Variants in EYA2 observed in about 807,000 individuals in gnomAD.
The protein encoded by EYA2 is protein phosphatase EYA2.
EYA2 carries 31 observed loss-of-function variants against 69.2 expected under a neutral mutation model. The ratio of observed to expected loss-of-function variants is 0.45; its 90% CI spans 0.34 to 0.60. EYA2 has a LOEUF of 0.60. EYA2 is among the 20% of genes least tolerant of loss of function. The probability of loss-of-function intolerance (pLI) is 0.02; values close to 1 mark genes in which losing one functional copy is unlikely to be tolerated. For synonymous variants in EYA2, 257 were observed against 279.4 expected (o/e 0.92, Z 0.80); for missense variants, 622 against 701.2 (o/e 0.89, Z 1.28).
At chr20:47,057,837 C>A (rs1212041253) in intron 5 of EYA2, among the ~76,000 whole-genome samples, 4 of 152,206 alleles carry the variant, frequency 2.6e-5, no homozygotes, top group Admixed American at 2.6e-4. Context: ...TGCAACTTCC[C>A]ACAGGTGTGT....
chr20:47,177,087 C>A (rs762725812), intron 12 of EYA2, among the ~76,000 whole-genome samples: 3 of 151,978 alleles, frequency 2.0e-5, no homozygotes, highest in Non-Finnish European at 4.4e-5. Context: ...CATGAGCCAC[C>A]CTGCCTGGCC....
At chr20:47,081,679 T>C (rs2031724423) in intron 7 of EYA2, among the ~76,000 whole-genome samples, 1 of 150,030 alleles carries the variant, frequency 6.7e-6, no homozygotes, top group Non-Finnish European at 1.5e-5. Context: ...CTCAGGAGGC[T>C]GAGGCAGGAG....
intron 1 of EYA2, among the ~76,000 whole-genome samples, chr20:46,914,837 G>A (rs6018164): frequency 0.021 from 3,178 of 152,266 alleles, 128 homozygotes; most frequent in African/African-American, 0.072. Flanking sequence ...CAGCCCCATC[G>A]TCACACTCAG....
At chr20:46,916,208 G>A (rs908764407) in intron 1 of EYA2, among the ~76,000 whole-genome samples, 1 of 152,098 alleles carries the variant, frequency 6.6e-6, no homozygotes, top group Admixed American at 6.5e-5. Flanking sequence ...TTTTAAGGCA[G>A]CATTAAACTT....
intron 5 of EYA2, among the ~76,000 whole-genome samples, chr20:47,028,752 G>A (rs181210283): frequency 1.6e-4 from 24 of 152,326 alleles, no homozygotes; most frequent in African/African-American, 5.3e-4. Flanking sequence ...CTCCAAGCCT[G>A]TGCTCTTCAC....
chr20:47,056,032 G>A (rs2030594481), intron 5 of EYA2, among the ~76,000 whole-genome samples: 1 of 152,200 alleles, frequency 6.6e-6, no homozygotes, highest in African/African-American at 2.4e-5. Flanking sequence ...TGACAGGGCA[G>A]CCTATCTGAA....
chr20:47,102,772 G>A lies in EYA2; in HGVS notation c.888+5604G>A, dbSNP rs758653481. Among the ~76,000 whole-genome samples the A allele has an allele frequency of 3.2e-4, 49 of 152,280 alleles. No homozygotes were observed. In the South Asian group the frequency reaches 3.7e-3, roughly 12 times the overall value. The stretch of plus-strand genomic sequence containing the variant: ...ATCCCTTTGGTAGCTGTATCTCCCA[G>A]CATCTTGTGGATCCATTAGAAATTC... On this transcript the variant is annotated intron_variant, in intron 9 of 15. Transcript: ENST00000327619.
intron 9 of EYA2, among the ~76,000 whole-genome samples, chr20:47,106,999 G>A (rs1289020455): frequency 6.6e-6 from 1 of 152,144 alleles, no homozygotes; most frequent in African/African-American, 2.4e-5. Flanking sequence ...TCACGGTGAT[G>A]GGAGGCACAA....
chr20:47,147,331 C>T (rs2033723675), intron 10 of EYA2, among the ~76,000 whole-genome samples: 1 of 152,152 alleles, frequency 6.6e-6, no homozygotes, highest in African/African-American at 2.4e-5. Context: ...ACTGGGATTA[C>T]AGGTGTGAGC....
At chr20:47,089,490 G>A (rs577039911) in intron 8 of EYA2, 109 bp downstream of exon 8, 12 of 1,303,530 alleles carry the variant, frequency 9.2e-6, no homozygotes, top group South Asian at 2.9e-5. Context: ...ATCGCCCTTC[G>A]TGTTTTACAA....
At chr20:46,908,380 A>AAAG (rs1984466308) in intron 1 of EYA2, among the ~76,000 whole-genome samples, 1 of 152,208 alleles carries the variant, frequency 6.6e-6, no homozygotes, top group South Asian at 2.1e-4. Flanking sequence ...AACATTCTAG[A>AAAG]AAGAAGCGGT....
intron 7 of EYA2, among the ~76,000 whole-genome samples, chr20:47,084,171 A>T (rs949824028): frequency 6.6e-6 from 1 of 152,100 alleles, no homozygotes; most frequent in Non-Finnish European, 1.5e-5. Flanking sequence ...GCTTGAACCC[A>T]GGAGGCGGAG....
At chr20:47,007,134 G>A (rs1333545917) in intron 4 of EYA2, among the ~76,000 whole-genome samples, 4 of 152,096 alleles carry the variant, frequency 2.6e-5, no homozygotes, top group Non-Finnish European at 4.4e-5. Context: ...GTTTTGCCAT[G>A]TTGGCCAAGC....
At chr20:47,141,377 G>C (rs1028178670) in intron 9 of EYA2, among the ~76,000 whole-genome samples, 2 of 152,272 alleles carry the variant, frequency 1.3e-5, no homozygotes, top group South Asian at 4.2e-4. Flanking sequence ...TAAACTTCTT[G>C]GTGCCTGGAC....
rs148894655 is a variant in EYA2, at chr20:47,012,357, G to T, written c.299-3824G>T. ...GCCAAACCGTGACCAGATTTCCTTT[G>T]AACATAATCTCTTAGAGCAGTGTTT... On this transcript the variant is annotated intron_variant, in intron 4 of 15. Transcript: ENST00000327619. Among the ~76,000 whole-genome samples, 774 of 152,284 alleles carry T rather than the reference G, an allele frequency of 5.1e-3. 8 individuals are homozygous for T. Among genetic ancestry groups the T allele is most frequent in the African/African-American group, 0.018 (729 of 41,562 alleles).
At chr20:46,941,029 T>G (rs1232438451) in intron 1 of EYA2, among the ~76,000 whole-genome samples, 1 of 152,128 alleles carries the variant, frequency 6.6e-6, no homozygotes, top group Non-Finnish European at 1.5e-5. Context: ...GTGGGAAAGG[T>G]GCAAGAGGCC....
intron 12 of EYA2, among the ~76,000 whole-genome samples, chr20:47,177,018 G>A (rs969102647): frequency 2.8e-4 from 42 of 152,184 alleles, no homozygotes; most frequent in African/African-American, 8.9e-4. Context: ...GGCTGATCTC[G>A]AACTCCTGAC....
At chr20:47,179,759 C>T in intron 12 of EYA2, 39 bp from the exon 13 acceptor site, 1 of 1,455,884 alleles carries the variant, frequency 6.9e-7, no homozygotes. Context: ...CCAGATCTTT[C>T]TAATACGATG....
At chr20:46,987,962 C>CTATATA (rs1568707112) in intron 1 of EYA2, among the ~76,000 whole-genome samples, 7 of 17,546 alleles carry the variant, frequency 4.0e-4, no homozygotes, top group Non-Finnish European at 5.1e-4. Context: ...CTCTCTCTCT[C>CTATATA]TCTATATATA....
Sources: allele counts gnomAD v4.1 joint callset (sites outside exome capture counted in the v4.1 genomes callset), GRCh38; gene constraint gnomAD v4.1.1; transcripts MANE v1.5; gene names NCBI Gene and HGNC (gene_info 2026-07-23, HGNC 2026-07-21).